MAL2: variants seen among roughly 807,000 people sequenced by gnomAD.
MAL2 encodes mal, T cell differentiation protein 2.
MAL2 carries 17 observed loss-of-function variants against 18.1 expected under a neutral mutation model. The observed-to-expected ratio is 0.94, with a 90% CI of 0.64 to 1.41. The LOEUF (loss-of-function observed/expected upper bound fraction) is 1.41, where lower values mean the gene tolerates loss of function less well. Among genes scored for constraint, MAL2 ranks in the 40% most tolerant of loss-of-function variants. MAL2 has a pLI of 0.00. For synonymous variants in MAL2, 102 were observed against 102.3 expected, an observed-to-expected ratio of 1.00 and a Z score of 0.02; for missense variants, 222 against 231.9, an observed-to-expected ratio of 0.96 and a Z score of 0.28.
chr8:119,217,659 G>A (rs1046786783), intron 1 of MAL2, among the ~76,000 whole-genome samples: 1 of 152,166 alleles, frequency 6.6e-6, no homozygotes, highest in Non-Finnish European at 1.5e-5. Context: ...TGAGAATAAC[G>A]TGGGCGAAAC....
chr8:119,228,965 T>TG, intron 2 of MAL2, among the ~76,000 whole-genome samples: 1 of 152,202 alleles, frequency 6.6e-6, no homozygotes, highest in East Asian at 1.9e-4. Context: ...GAGGAAGCAG[T>TG]GGGTAGATCA....
chr8:119,236,628 A>G (rs1407266326), intron 2 of MAL2, among the ~76,000 whole-genome samples: 2,042 of 151,608 alleles, frequency 0.013, 45 homozygotes, highest in African/African-American at 0.048. Flanking sequence ...AGAACTCAGG[A>G]TTAAGAATCT....
At chr8:119,228,160 G>C (rs1817635629) in intron 2 of MAL2, among the ~76,000 whole-genome samples, 1 of 152,064 alleles carries the variant, frequency 6.6e-6, no homozygotes, top group African/African-American at 2.4e-5. Context: ...GCCTTCTCTT[G>C]AAGTTTAGTG....
At chr8:119,237,692 T>C (rs1420978830) in intron 2 of MAL2, among the ~76,000 whole-genome samples, 1 of 151,704 alleles carries the variant, frequency 6.6e-6, no homozygotes, top group Non-Finnish European at 1.5e-5. Flanking sequence ...AAAAACCACA[T>C]GATTATCTCA....
Position 119,244,368 on chromosome 8 carries a change from AG to A in MAL2, c.*881del, listed in dbSNP as rs1818109831. On this transcript the variant is annotated 3_prime_UTR_variant, in exon 4 of 4. Coordinates refer to ENST00000614891, the MANE Select transcript of MAL2 (RefSeq NM_052886.3). ...AAAAGTAATTTATGAAGTAAACTTC[AG>A]TTGCTTAATCAAACTAATGATAGTC... 1 of 152,206 alleles carries A rather than the reference AG, an allele frequency of 6.6e-6. No homozygotes were observed. The highest frequency in any genetic ancestry group is 6.5e-5 in the Admixed American group (1 of 15,268). The allele number at this position is 152,206 out of a possible 1,614,324, so 9.4% of individuals were successfully genotyped here.
At chr8:119,230,392 T>C (rs1031649987) in intron 2 of MAL2, among the ~76,000 whole-genome samples, 14 of 147,792 alleles carry the variant, frequency 9.5e-5, no homozygotes, top group African/African-American at 3.0e-4. Flanking sequence ...ACAATTTAAT[T>C]CAGATACTTC....
At chr8:119,229,313 C>CT (rs60554580) in intron 2 of MAL2, among the ~76,000 whole-genome samples, 49,111 of 136,992 alleles carry the variant, frequency 0.36, 9,645 homozygotes, top group East Asian at 0.59. Context: ...CTGTGGGCCT[C>CT]TTTTTTTTTT....
Position 119,244,011 on chromosome 8 carries a change from G to C in MAL2, c.*523G>C, listed in dbSNP as rs1359181555. Reference sequence around the variant, plus strand: ...CTGTCACAACTATTCAGTTCTGCTAGTATAGCGTGAAAGCAGCTATACACA... The same window carrying C: ...CTGTCACAACTATTCAGTTCTGCTACTATAGCGTGAAAGCAGCTATACACA... On this transcript the variant is annotated 3_prime_UTR_variant, in exon 4 of 4. Coordinates refer to ENST00000614891, the MANE Select transcript of MAL2 (RefSeq NM_052886.3). 1 of 152,186 alleles carries C rather than the reference G, an allele frequency of 6.6e-6. No homozygotes were observed. The highest frequency in any genetic ancestry group is 1.9e-4 in the East Asian group (1 of 5,170). The allele number at this position is 152,186 out of a possible 1,614,324, so 9.4% of individuals were successfully genotyped here.
rs768800222 is a variant in MAL2, at chr8:119,221,675, C to T, written c.221C>T (p.Thr74Ile). The change falls in exon 2 of 4, where the codon ACA (threonine) becomes ATA (isoleucine). Residue 74 changes from threonine (T) to isoleucine (I), a missense_variant. By Grantham distance (89) the Thr-to-Ile change is moderately conservative. Transcript: ENST00000614891. ...GGATGGGTCATGTTTGTGTCCGTGA[C>T]AGCGTTTTTCTTTTCGCTCCTCTTT... ...LQGWVMFVSV[T>I]AFFFSLLFLG... 6.2e-7 allele frequency: 1 copy of T among 1,613,944 alleles called. No homozygotes were observed. Among genetic ancestry groups the T allele is most frequent in the Non-Finnish European group, 8.5e-7 (1 of 1,179,842 alleles).
intron 2 of MAL2, among the ~76,000 whole-genome samples, chr8:119,234,178 G>A (rs191666772): frequency 5.3e-5 from 8 of 152,300 alleles, no homozygotes; most frequent in South Asian, 2.1e-4. Context: ...TTCCCTTTCC[G>A]AGTCAAAGAA....
chr8:119,220,588 AC>A (rs2129806252), intron 1 of MAL2, among the ~76,000 whole-genome samples: 1 of 152,106 alleles, frequency 6.6e-6, no homozygotes, highest in African/African-American at 2.4e-5. Flanking sequence ...GAGCTTCAGC[AC>A]CTCCTCGCTC....
Position 119,243,640 on chromosome 8 carries a change from C to T in MAL2, c.*152C>T. The stretch of plus-strand genomic sequence containing the variant: ...TCTAAGCTCAAGTTCTGGTTTATTT[C>T]ATGGATGGAATGTTAATTTTATTAT... On this transcript the variant is annotated 3_prime_UTR_variant, in exon 4 of 4. Coordinates refer to ENST00000614891, the MANE Select transcript of MAL2 (RefSeq NM_052886.3). 2.1e-6 allele frequency: 1 copy of T among 485,850 alleles called. No homozygotes were observed. The highest frequency in any genetic ancestry group is 8.6e-5 in the South Asian group (1 of 11,618). 30.1% of individuals were successfully genotyped at this position (485,850 alleles called of 1,614,324 possible).
intron 2 of MAL2, among the ~76,000 whole-genome samples, chr8:119,229,074 T>A (rs925933481): frequency 2.6e-5 from 4 of 152,160 alleles, no homozygotes; most frequent in African/African-American, 7.2e-5. Context: ...AGGTATGGGA[T>A]GGTTGATGCC....
rs1380801679 is a variant in MAL2, at chr8:119,245,213, G to T, written c.*1725G>T. Reference sequence around the variant, plus strand: ...ATATCCTACTACTTTGGTTTTCCTAGCTCCATACCACACACCTAAACCTGT... The same window carrying T: ...ATATCCTACTACTTTGGTTTTCCTATCTCCATACCACACACCTAAACCTGT... On this transcript the variant is annotated 3_prime_UTR_variant, in exon 4 of 4. Transcript: ENST00000614891. 6.6e-6 allele frequency: 1 copy of T among 152,498 alleles called. No individual in the cohort carries two copies. Among genetic ancestry groups the T allele is most frequent in the African/African-American group, 2.4e-5 (1 of 41,410 alleles). 9.4% of individuals were successfully genotyped at this position (152,498 alleles called of 1,614,324 possible). A position where few individuals can be genotyped will look rare whatever the true frequency, so the allele number is the denominator to read the frequency against.
intron 2 of MAL2, among the ~76,000 whole-genome samples, chr8:119,236,175 C>A (rs1249263473): frequency 1.0e-5 from 1 of 95,816 alleles, no homozygotes; most frequent in Non-Finnish European, 2.0e-5. Context: ...TTTAAACCAA[C>A]AAAGATCAAA....
At chr8:119,217,496 C>T (rs189525327) in intron 1 of MAL2, among the ~76,000 whole-genome samples, 2 of 152,216 alleles carry the variant, frequency 1.3e-5, no homozygotes, top group East Asian at 1.9e-4. Context: ...TGAGGTTTGA[C>T]GTCATAAGCA....
chr8:119,227,309 TTTGTTG>T (rs553658976), intron 2 of MAL2, among the ~76,000 whole-genome samples: 1 of 152,138 alleles, frequency 6.6e-6, no homozygotes. Flanking sequence ...TTTTGTGCAT[TTTGTTG>T]TTGTTGTTAT....
intron 1 of MAL2, among the ~76,000 whole-genome samples, chr8:119,219,550 TGTGTGA>T (rs1333026280): frequency 2.4e-4 from 22 of 90,846 alleles, no homozygotes; most frequent in Non-Finnish European, 2.7e-4. Context: ...TGTGTGTGTG[TGTGTGA>T]GAGAGAGAGA....
intron 2 of MAL2, among the ~76,000 whole-genome samples, chr8:119,232,659 A>T (rs1421490184): frequency 6.6e-6 from 1 of 152,172 alleles, no homozygotes; most frequent in Admixed American, 6.5e-5. Flanking sequence ...TCAGTGGAAA[A>T]TCTCTAATGA....
Sources: gnomAD v4.1 joint callset for allele counts (sites outside exome capture counted in the v4.1 genomes callset) on GRCh38, gnomAD v4.1.1 for gene constraint, MANE v1.5 for transcripts, NCBI Gene and HGNC (gene_info 2026-07-23, HGNC 2026-07-21) for gene names.